The following PTPRT variants were observed in gnomAD, a reference collection of about 807,000 sequenced individuals.
The protein encoded by PTPRT is protein tyrosine phosphatase receptor type T, also known as receptor-type tyrosine-protein phosphatase T.
PTPRT carries 56 observed loss-of-function variants against 176.8 expected under a neutral mutation model. The ratio of observed to expected loss-of-function variants is 0.32; its 90% CI spans 0.26 to 0.40. The LOEUF (loss-of-function observed/expected upper bound fraction) is 0.40. Ranked by LOEUF, PTPRT falls within the 10% of genes least tolerant of loss-of-function variation. The probability of loss-of-function intolerance (pLI) is 1.00; values close to 1 mark genes in which losing one functional copy is unlikely to be tolerated. For missense variants in PTPRT, 1,540 were observed against 1,908.2 expected (o/e 0.81, Z 3.60); for synonymous variants, 783 against 739.0 (o/e 1.06, Z -0.96).
At chr20:42,226,022 C>T (rs6030064) in intron 15 of PTPRT, among the ~76,000 whole-genome samples, 8,401 of 152,246 alleles carry the variant, frequency 0.055, 805 homozygotes, top group African/African-American at 0.19. Flanking sequence ...GGCCCGTTAA[C>T]CCATGGTATC....
intron 1 of PTPRT, among the ~76,000 whole-genome samples, chr20:43,179,838 T>C (rs576576463): frequency 6.6e-6 from 1 of 152,378 alleles, no homozygotes; most frequent in South Asian, 2.1e-4. Context: ...TGACTTCAGG[T>C]TCCTGTGGTG....
intron 15 of PTPRT, among the ~76,000 whole-genome samples, chr20:42,200,524 T>C (rs1330511364): frequency 2.0e-5 from 3 of 152,198 alleles, no homozygotes; most frequent in Non-Finnish European, 4.4e-5. Context: ...TTTCAAATGA[T>C]GTGGACTTTG....
At chr20:42,170,059 C>T (rs961436126) in intron 16 of PTPRT, among the ~76,000 whole-genome samples, 1 of 152,160 alleles carries the variant, frequency 6.6e-6, no homozygotes. Flanking sequence ...TCCAGTGGCC[C>T]GTCTCTGCCA....
chr20:42,374,757 T>C (rs918757316), intron 9 of PTPRT, among the ~76,000 whole-genome samples: 1 of 152,208 alleles, frequency 6.6e-6, no homozygotes, highest in African/African-American at 2.4e-5. Context: ...AAAGATAATT[T>C]AAAATGATAA....
intron 7 of PTPRT, among the ~76,000 whole-genome samples, chr20:42,667,957 G>A (rs1771920683): frequency 6.6e-6 from 1 of 152,162 alleles, no homozygotes; most frequent in Admixed American, 6.5e-5. Flanking sequence ...GCAGAGTGAG[G>A]TTGTAAATGG....
the PTPRT span, among the ~76,000 whole-genome samples, chr20:42,059,533 T>A: frequency 6.6e-6 from 1 of 152,350 alleles, no homozygotes; most frequent in Middle Eastern, 3.4e-3. Flanking sequence ...ATATCTGCCA[T>A]TTTTGACCTA....
chr20:42,535,065 G>T (rs574926232), intron 7 of PTPRT, among the ~76,000 whole-genome samples: 28 of 152,282 alleles, frequency 1.8e-4, no homozygotes, highest in African/African-American at 6.3e-4. Context: ...CCTGCCTGAA[G>T]TCATATATAG....
At chr20:43,054,752 C>T (rs1408204672) in intron 1 of PTPRT, among the ~76,000 whole-genome samples, 1 of 151,978 alleles carries the variant, frequency 6.6e-6, no homozygotes, top group Admixed American at 6.6e-5. Flanking sequence ...TCAGGTAAGA[C>T]ACATAAAGGC....
chr20:42,099,846 C>T (rs1568928672), intron 26 of PTPRT, among the ~76,000 whole-genome samples: 1 of 151,992 alleles, frequency 6.6e-6, no homozygotes, highest in Non-Finnish European at 1.5e-5. Flanking sequence ...AGGGCCTTTT[C>T]CTGGCCAGTA....
In PTPRT at chr20:42,574,129, C is replaced by T. The variant is rs2073214272; in HGVS notation, c.1154-101567G>A. Among the ~76,000 whole-genome samples, 3 of 152,252 alleles carry T rather than the reference C, an allele frequency of 2.0e-5. No individual in the cohort carries two copies. In the South Asian group the frequency reaches 6.2e-4, roughly 32 times the overall value. ...GCATTGAGCCTGCCTATGTGGGTTG[C>T]AGAGCCAGGCAGAGCATTTGACATT... is the stretch of plus-strand genomic sequence containing the variant. On this transcript the variant is annotated intron_variant, in intron 7 of 30. Coordinates refer to ENST00000373187, the MANE Select transcript of PTPRT (RefSeq NM_007050.6).
chr20:42,175,108 C>T (rs1244442731), intron 16 of PTPRT, among the ~76,000 whole-genome samples: 1 of 152,144 alleles, frequency 6.6e-6, no homozygotes, highest in East Asian at 1.9e-4. Flanking sequence ...ATGTTCTTTT[C>T]TCCAAAATAA....
chr20:42,766,185 C>G (rs2076980292), intron 5 of PTPRT, among the ~76,000 whole-genome samples: 1 of 152,156 alleles, frequency 6.6e-6, no homozygotes, highest in South Asian at 2.1e-4. Flanking sequence ...GGCTATTCCC[C>G]TTGGAATGCA....
chr20:43,028,203 G>T (rs1278240200), intron 1 of PTPRT, among the ~76,000 whole-genome samples: 3 of 152,146 alleles, frequency 2.0e-5, no homozygotes, highest in African/African-American at 4.8e-5. Context: ...CATGGACTCA[G>T]TTACGAGCTG....
chr20:43,031,512 A>T (rs147406193), intron 1 of PTPRT, among the ~76,000 whole-genome samples: 359 of 152,312 alleles, frequency 2.4e-3, no homozygotes, highest in African/African-American at 8.3e-3. Context: ...ACCCAGTCTA[A>T]GGTATTTCGT....
chr20:42,139,784 G>C (rs907564604), intron 18 of PTPRT, among the ~76,000 whole-genome samples: 4 of 152,258 alleles, frequency 2.6e-5, no homozygotes, highest in Non-Finnish European at 5.9e-5. Flanking sequence ...CAGGAGCAGA[G>C]AATGCTGGGG....
chr20:43,170,801 C>T (rs2014978394), intron 1 of PTPRT, among the ~76,000 whole-genome samples: 1 of 152,184 alleles, frequency 6.6e-6, no homozygotes, highest in Non-Finnish European at 1.5e-5. Context: ...TCTCTGACTC[C>T]AATGCCTCTT....
chr20:42,909,340 C>T (rs1336407063), intron 1 of PTPRT, among the ~76,000 whole-genome samples: 3 of 152,142 alleles, frequency 2.0e-5, no homozygotes, highest in African/African-American at 7.2e-5. Context: ...AAACTGCCAC[C>T]TCCCACCCCT....
intron 6 of PTPRT, among the ~76,000 whole-genome samples, chr20:42,694,040 C>T (rs13433278): frequency 7.9e-5 from 11 of 138,432 alleles, no homozygotes; most frequent in South Asian, 4.6e-4. Context: ...ATTTTATTTT[C>T]TTTTTTTTTT....
intron 7 of PTPRT, among the ~76,000 whole-genome samples, chr20:42,630,596 G>A (rs1292833715): frequency 1.3e-5 from 2 of 152,128 alleles, no homozygotes; most frequent in Non-Finnish European, 2.9e-5. Context: ...GCTTGATTCA[G>A]AAGGTAAAGA....
Sources: allele counts gnomAD v4.1 joint callset (sites outside exome capture counted in the v4.1 genomes callset), GRCh38; gene constraint gnomAD v4.1.1; transcripts MANE v1.5; gene names NCBI Gene and HGNC (gene_info 2026-07-23, HGNC 2026-07-21).